Variants in PTPRQ observed in about 807,000 individuals in gnomAD.
The protein encoded by PTPRQ is phosphatidylinositol phosphatase PTPRQ.
A neutral mutation model predicts 246.0 loss-of-function variants in PTPRQ; 199 were observed. That is an observed-to-expected ratio of 0.81 (90% CI 0.72 to 0.91). The LOEUF is 0.91. Ranked by LOEUF, PTPRQ falls within the 40% of genes least tolerant of loss-of-function variation. PTPRQ has a pLI of 0.00. For synonymous variants in PTPRQ, 869 were observed against 853.2 expected (o/e 1.02, Z -0.32); for missense variants, 2,624 against 2,528.4 (o/e 1.04, Z -0.81).
intron 25 of PTPRQ, among the ~76,000 whole-genome samples, chr12:80,573,607 T>C (rs1218960174): frequency 6.6e-6 from 1 of 152,230 alleles, no homozygotes; most frequent in Non-Finnish European, 1.5e-5. Flanking sequence ...AGAATTTCTA[T>C]ATCATTTTAT....
At position 80,567,336 on chromosome 12, in the gene PTPRQ, T is replaced by A. The variant is rs536981482; in HGVS notation, c.4285+17602T>A. 2.6e-5 allele frequency among the ~76,000 whole-genome samples: 4 copies of A among 152,348 alleles called. No homozygotes were observed. The South Asian group carries it at 8.3e-4, about 32-fold the overall frequency. ...ATTTGTACATTTTTATGGGAAAGCT[T>A]TTTTCATGCTTTTAATATTTTCTAC... On this transcript the variant is annotated intron_variant, in intron 25 of 44. Coordinates refer to ENST00000644991, the MANE Select transcript of PTPRQ (RefSeq NM_001145026.2).
intron 25 of PTPRQ, among the ~76,000 whole-genome samples, chr12:80,574,315 G>A (rs750552461): frequency 1.3e-5 from 2 of 152,188 alleles, no homozygotes; most frequent in South Asian, 2.1e-4. Context: ...AACAAAGTAC[G>A]TCTCTTGTGA....
intron 8 of PTPRQ, among the ~76,000 whole-genome samples, chr12:80,483,303 A>T (rs1034065471): frequency 2.8e-5 from 4 of 143,156 alleles, no homozygotes; most frequent in African/African-American, 1.0e-4. Context: ...GCATATTCTC[A>T]CTCATAGATG....
At chr12:80,597,687 C>A (rs753757609) in intron 26 of PTPRQ, among the ~76,000 whole-genome samples, 8 of 151,850 alleles carry the variant, frequency 5.3e-5, no homozygotes, top group African/African-American at 1.9e-4. Context: ...AATGGCATGT[C>A]GACGTTATAG....
chr12:80,530,182 CTTATTCTCTTTTT>C (rs1895802894), intron 17 of PTPRQ, among the ~76,000 whole-genome samples: 1 of 152,098 alleles, frequency 6.6e-6, no homozygotes, highest in South Asian at 2.1e-4. Context: ...GGGGCCATGC[CTTATTCTCTTTTT>C]TTATACTGTG....
intron 25 of PTPRQ, among the ~76,000 whole-genome samples, chr12:80,559,823 C>A (rs981165429): frequency 6.6e-6 from 1 of 151,934 alleles, no homozygotes; most frequent in African/African-American, 2.4e-5. Context: ...TATTTTCTTC[C>A]CTCCCCTCCC....
At chr12:80,645,810 G>A (rs1253847554) in intron 35 of PTPRQ, among the ~76,000 whole-genome samples, 1 of 152,068 alleles carries the variant, frequency 6.6e-6, no homozygotes, top group Non-Finnish European at 1.5e-5. Context: ...AATTGAGAGG[G>A]AGGGATATAT....
chr12:80,615,893 G>A (rs1426739557), intron 29 of PTPRQ, among the ~76,000 whole-genome samples: 1 of 150,840 alleles, frequency 6.6e-6, no homozygotes, highest in Non-Finnish European at 1.5e-5. Context: ...CTCAGTGATA[G>A]GGCTGTTTAG....
chr12:80,528,974 C>T (rs1895769002), intron 17 of PTPRQ, among the ~76,000 whole-genome samples: 1 of 152,114 alleles, frequency 6.6e-6, no homozygotes, highest in African/African-American at 2.4e-5. Flanking sequence ...GCCAGTCAAC[C>T]AAATGATGAC....
At chr12:80,610,078 A>C (rs138624813) in intron 27 of PTPRQ, among the ~76,000 whole-genome samples, 1 of 150,466 alleles carries the variant, frequency 6.6e-6, no homozygotes, top group Non-Finnish European at 1.5e-5. Flanking sequence ...TAAGTGGCCA[A>C]TTTGGGATTT....
Position 80,534,162 on chromosome 12 carries a change from A to G in PTPRQ, c.2826A>G (p.Gln942=), listed in dbSNP as rs867088957. The change falls in exon 18 of 45, where the codon CAA becomes CAG. Residue 942 remains glutamine, a synonymous_variant. Transcript: ENST00000644991. ...CAAGAAGCAATATCATTAGCTTTCA[A>G]ACACCAGAGGGAGGTGAGTTAAGGA... ...GKTRSNIISF[Q]TPEGAPSDPP... The G allele has an allele frequency of 6.5e-7, 1 of 1,536,122 alleles. No individual in the cohort carries two copies. Among genetic ancestry groups the G allele is most frequent in the Middle Eastern group, 1.7e-4 (1 of 5,946 alleles).
At chr12:80,661,557 ATATACT>A (rs1013004035) in intron 39 of PTPRQ, among the ~76,000 whole-genome samples, 1 of 151,638 alleles carries the variant, frequency 6.6e-6, no homozygotes, top group Non-Finnish European at 1.5e-5. Context: ...ACATACACAC[ATATACT>A]TATAGGCATA....
intron 20 of PTPRQ, among the ~76,000 whole-genome samples, chr12:80,540,799 A>G (rs1183382664): frequency 6.6e-6 from 1 of 152,152 alleles, no homozygotes. Context: ...ATTGTAATAT[A>G]TGATCAATAC....
rs559834364 is a variant in PTPRQ, at chr12:80,610,394, A to G, written c.4732-45A>G. 1.4e-4 allele frequency: 194 copies of G among 1,424,816 alleles called. No homozygotes were observed. The African/African-American group carries it at 2.6e-3, about 19-fold the overall frequency. The allele number at this position is 1,424,816 out of a possible 1,614,324, so 88.3% of individuals were successfully genotyped here. On this transcript the variant is annotated intron_variant, in intron 27 of 44. Coordinates refer to ENST00000644991, the MANE Select transcript of PTPRQ (RefSeq NM_001145026.2). ...GTATTATTATGTTTTGGTGACTCAG[A>G]TTTCAAGTGCTGCTTCCTTAATTTT...
chr12:80,553,118 A>G (rs1003626235), intron 25 of PTPRQ, among the ~76,000 whole-genome samples: 2 of 152,094 alleles, frequency 1.3e-5, no homozygotes, highest in African/African-American at 2.4e-5. Flanking sequence ...TTCTTCTAAA[A>G]TTCATTATTT....
At position 80,634,928 on chromosome 12, in the gene PTPRQ, T is replaced by C. The variant is rs1303728840; in HGVS notation, c.5787-17T>C. 3 of 1,548,652 alleles carry C rather than the reference T, an allele frequency of 1.9e-6. No homozygotes were observed. Among genetic ancestry groups the C allele is most frequent in the Non-Finnish European group, 2.6e-6 (3 of 1,145,526 alleles). On this transcript the variant is annotated splice_polypyrimidine_tract_variant and intron_variant, in intron 34 of 44. Coordinates refer to ENST00000644991, the MANE Select transcript of PTPRQ (RefSeq NM_001145026.2). ...TGTGTGAAACTCCCTTCTTGGACTT[T>C]ACTCCGCTTGTTTTAGAATTCGACA...
At chr12:80,474,574 C>T (rs12316755) in intron 8 of PTPRQ, among the ~76,000 whole-genome samples, 10,086 of 152,074 alleles carry the variant, frequency 0.066, 862 homozygotes, top group African/African-American at 0.19. Flanking sequence ...CTCTATATGT[C>T]TCTTAATATT....
At chr12:80,458,628 G>T (rs1172083554) in intron 4 of PTPRQ, among the ~76,000 whole-genome samples, 1 of 151,514 alleles carries the variant, frequency 6.6e-6, no homozygotes, top group Admixed American at 6.6e-5. Flanking sequence ...GGATCTTGGT[G>T]TTTTACTCTA....
At chr12:80,460,506 TA>T in intron 5 of PTPRQ, 146 bp from the exon 6 acceptor site, 1 of 390,582 alleles carries the variant, frequency 2.6e-6, no homozygotes, top group Non-Finnish European at 4.5e-6. Context: ...TGGGTACAAT[TA>T]AAATCTAGCA....
Sources: allele counts gnomAD v4.1 joint callset (sites outside exome capture counted in the v4.1 genomes callset), GRCh38; gene constraint gnomAD v4.1.1; transcripts MANE v1.5; gene names NCBI Gene and HGNC (gene_info 2026-07-23, HGNC 2026-07-21).